The following USP34 variants were observed in gnomAD, a reference collection of about 807,000 sequenced individuals.
USP34 encodes ubiquitin carboxyl-terminal hydrolase 34.
In USP34, 70 loss-of-function variants were observed where a neutral mutation model predicts 460.3. The ratio of observed to expected loss-of-function variants is 0.15; its 90% CI spans 0.13 to 0.19. The LOEUF (loss-of-function observed/expected upper bound fraction) is 0.19, where lower values mean the gene tolerates loss of function less well. USP34 is among the 10% of genes least tolerant of loss of function. The pLI is 1.00. For missense variants in USP34, 3,985 were observed against 4,236.2 expected (o/e 0.94, Z 1.65); for synonymous variants, 1,647 against 1,405.3 (o/e 1.17, Z -3.85).
At chr2:61,338,509 A>G (rs1691495427) in intron 18 of USP34, among the ~76,000 whole-genome samples, 2 of 152,230 alleles carry the variant, frequency 1.3e-5, no homozygotes, top group Non-Finnish European at 2.9e-5. Context: ...GGAAAAAAAT[A>G]TTTTCAAGCA....
chr2:61,262,116 A>T (rs369548613), intron 43 of USP34, among the ~76,000 whole-genome samples: 2,967 of 44,632 alleles, frequency 0.066, 83 homozygotes, highest in South Asian at 0.15. Context: ...AAAAAAAAAA[A>T]ATATATATAT....
At chr2:61,329,374 C>T (rs1286804592) in intron 20 of USP34, among the ~76,000 whole-genome samples, 1 of 151,886 alleles carries the variant, frequency 6.6e-6, no homozygotes, top group East Asian at 1.9e-4. Context: ...ATTCAAGAGG[C>T]CACCATTATC....
chr2:61,245,694 T>G (rs556081490), intron 50 of USP34, among the ~76,000 whole-genome samples: 1 of 152,254 alleles, frequency 6.6e-6, no homozygotes, highest in Non-Finnish European at 1.5e-5. Flanking sequence ...AAAGGCACCA[T>G]GGACCTGATG....
intron 10 of USP34, among the ~76,000 whole-genome samples, chr2:61,357,633 C>T (rs912211204): frequency 1.3e-5 from 2 of 152,182 alleles, no homozygotes; most frequent in African/African-American, 4.8e-5. Context: ...AGATGCAGTT[C>T]ATGCCTGTTG....
intron 27 of USP34, among the ~76,000 whole-genome samples, chr2:61,307,142 A>AG (rs1558521308): frequency 1.3e-5 from 2 of 152,168 alleles, no homozygotes; most frequent in Non-Finnish European, 2.9e-5. Context: ...GCCATAAAAA[A>AG]GGATGAGTCC....
chr2:61,371,610 GTTAAT>G (rs1692630795), intron 8 of USP34, among the ~76,000 whole-genome samples: 1 of 151,976 alleles, frequency 6.6e-6, no homozygotes, highest in African/African-American at 2.4e-5. Flanking sequence ...GTAAGCTAAG[GTTAAT>G]TTAATAGTGA....
intron 1 of USP34, among the ~76,000 whole-genome samples, chr2:61,441,234 C>T (rs1033073429): frequency 6.6e-6 from 1 of 151,346 alleles, no homozygotes; most frequent in African/African-American, 2.4e-5. Context: ...AACTCCTAGG[C>T]TCAAGTGATC....
intron 21 of USP34, among the ~76,000 whole-genome samples, chr2:61,321,149 G>A (rs1266660483): frequency 6.6e-6 from 1 of 151,304 alleles, no homozygotes; most frequent in African/African-American, 2.4e-5. Flanking sequence ...CAGCCTGGAT[G>A]ACAGAGCGAG....
chr2:61,301,193 T>A, intron 28 of USP34, 33 bp from the exon 29 acceptor site: 1 of 1,569,412 alleles, frequency 6.4e-7, no homozygotes, highest in Non-Finnish European at 8.6e-7. Context: ...TTTATGCATA[T>A]CAAGCTTTTA....
At chr2:61,250,567 G>T (rs1224956159) in intron 48 of USP34, 1 of 159,662 alleles carries the variant, frequency 6.3e-6, no homozygotes, top group South Asian at 1.9e-4. Context: ...CTCATTTACT[G>T]GCCACTGGAT....
At chr2:61,440,384 T>C (rs1365010539) in intron 1 of USP34, among the ~76,000 whole-genome samples, 4 of 152,136 alleles carry the variant, frequency 2.6e-5, no homozygotes, top group African/African-American at 9.7e-5. Flanking sequence ...TGAAATGTCA[T>C]GGCAGCTGTG....
Position 61,188,462 on chromosome 2 carries a change from C to T in USP34, c.10281G>A (p.Met3427Ile), listed in dbSNP as rs200566849. ...CTGCATGCTGTGACCTGATATTTGACATGTCTTCTGAAAACGAAGATGGAA... is the reference window on the plus strand; with the variant it reads ...CTGCATGCTGTGACCTGATATTTGATATGTCTTCTGAAAACGAAGATGGAA... ...MEVPSSFSED[M>I]SNIRSQHAEE... The change falls in exon 80 of 80, where the codon ATG becomes ATA. Residue 3427 changes from methionine (M) to isoleucine (I), a missense_variant. Around this residue, in one of 14 missense-constraint regions of USP34, gnomAD observed 506 missense variants for 439.0 expected, o/e 1.15. Coordinates refer to ENST00000398571, the MANE Select transcript of USP34 (RefSeq NM_014709.4). The T allele has an allele frequency of 2.0e-4, 326 of 1,614,196 alleles. No homozygotes were observed. Among genetic ancestry groups the T allele is most frequent in the Non-Finnish European group, 2.1e-4 (244 of 1,180,038 alleles).
At chr2:61,391,728 C>T (rs557252930) in intron 5 of USP34, among the ~76,000 whole-genome samples, 10 of 152,094 alleles carry the variant, frequency 6.6e-5, no homozygotes, top group Middle Eastern at 6.3e-3. Context: ...GAGGAAATTA[C>T]TATGAAATAA....
chr2:61,312,445 T>C (rs545425866), intron 25 of USP34, among the ~76,000 whole-genome samples: 17 of 149,426 alleles, frequency 1.1e-4, no homozygotes, highest in Non-Finnish European at 1.2e-4. Context: ...AGCATGATAA[T>C]CACTAAACAC....
intron 53 of USP34, among the ~76,000 whole-genome samples, chr2:61,238,146 T>A (rs1042170391): frequency 2.6e-5 from 4 of 152,032 alleles, no homozygotes; most frequent in African/African-American, 7.2e-5. Context: ...TCCACCTGCC[T>A]CAGCCTCCCA....
chr2:61,266,292 A>G, intron 41 of USP34, 125 bp from the exon 42 acceptor site: 6 of 877,906 alleles, frequency 6.8e-6, no homozygotes, highest in Non-Finnish European at 9.9e-6. Flanking sequence ...AGCATGATAT[A>G]CCATCATCTG....
At chr2:61,305,664 T>A (rs1330649145) in intron 27 of USP34, among the ~76,000 whole-genome samples, 1 of 152,018 alleles carries the variant, frequency 6.6e-6, no homozygotes, top group Non-Finnish European at 1.5e-5. Flanking sequence ...TTGATAAAAG[T>A]TATAATCTCA....
At position 61,187,864 on chromosome 2, in the gene USP34, A is replaced by ACTC; in HGVS notation, c.*235_*237dup. 1 of 1,315,344 alleles carries ACTC rather than the reference A, an allele frequency of 7.6e-7. No homozygotes were observed. The highest frequency in any genetic ancestry group is 9.8e-7 in the Non-Finnish European group (1 of 1,020,004). The allele number at this position is 1,315,344 out of a possible 1,614,324, so 81.5% of individuals were successfully genotyped here. On this transcript the variant is annotated 3_prime_UTR_variant, in exon 80 of 80. Coordinates refer to ENST00000398571, the MANE Select transcript of USP34 (RefSeq NM_014709.4). ...TATTAAATGAAAGCCACTAAAGTGA[A>ACTC]CTCTTAATTACATAAAACATATCCA...
rs58518474 is a variant in USP34 at position 61,385,997 on chromosome 2, CAAAAAAA to C, written c.754-2668_754-2662del. ...AGGTGACAAAGTGAGACTCTGTCTCCAAAAAAAAAAAAAAAAAGAAATATGACAGGGA... is the reference window on the plus strand; with the variant it reads ...AGGTGACAAAGTGAGACTCTGTCTCCAAAAAAAAAAGAAATATGACAGGGA... On this transcript the variant is annotated intron_variant, in intron 5 of 79. Coordinates refer to ENST00000398571, the MANE Select transcript of USP34 (RefSeq NM_014709.4). 5.0e-5 allele frequency among the ~76,000 whole-genome samples: 5 copies of C among 99,444 alleles called. No individual in the cohort carries two copies. The East Asian group carries it at 9.0e-4, about 18-fold the overall frequency. 65.2% of individuals were successfully genotyped at this position (99,444 alleles called of 152,430 possible). A position where few individuals can be genotyped will look rare whatever the true frequency, so the allele number is the denominator to read the frequency against.
Sources: allele counts gnomAD v4.1 joint callset (sites outside exome capture counted in the v4.1 genomes callset), GRCh38; gene constraint gnomAD v4.1.1; regional missense constraint gnomAD v4.1.1; transcripts MANE v1.5; gene names NCBI Gene and HGNC (gene_info 2026-07-23, HGNC 2026-07-21).